The following DPYD variants were observed in gnomAD, a reference collection of about 807,000 sequenced individuals.
DPYD encodes the protein dihydropyrimidine dehydrogenase [NADP(+)].
In DPYD, 109 loss-of-function variants were observed where a neutral mutation model predicts 116.2. The observed-to-expected ratio is 0.94, with a 90% CI of 0.80 to 1.10. DPYD has a LOEUF of 1.10. DPYD is among the 50% of genes least tolerant of loss of function. DPYD has a pLI of 0.00. For missense variants in DPYD, 1,302 were observed against 1,254.5 expected, an observed-to-expected ratio of 1.04 and a Z score of -0.57; for synonymous variants, 440 against 432.0, an observed-to-expected ratio of 1.02 and a Z score of -0.23.
intron 8 of DPYD, among the ~76,000 whole-genome samples, chr1:97,618,090 TC>T (rs1404438130): frequency 6.6e-6 from 1 of 152,136 alleles, no homozygotes; most frequent in Non-Finnish European, 1.5e-5. Context: ...TTAAGTGTTG[TC>T]ACCTGAAAGG....
intron 3 of DPYD, among the ~76,000 whole-genome samples, chr1:97,773,705 G>A (rs1315789190): frequency 6.6e-6 from 1 of 152,200 alleles, no homozygotes; most frequent in Non-Finnish European, 1.5e-5. Flanking sequence ...GGATTACATG[G>A]AATTTGGCTG....
chr1:97,541,137 C>T (rs1650422065), intron 12 of DPYD, among the ~76,000 whole-genome samples: 1 of 152,120 alleles, frequency 6.6e-6, no homozygotes, highest in Admixed American at 6.5e-5. Context: ...TGCTTTATAA[C>T]CAGTGGTACC....
At chr1:97,449,999 T>G (rs1463739131) in intron 14 of DPYD, 60 bp downstream of exon 14, 1 of 1,601,060 alleles carries the variant, frequency 6.2e-7, no homozygotes, top group East Asian at 2.2e-5. Flanking sequence ...ATTGGATGTT[T>G]AAATAAACAT....
At chr1:97,380,909 T>A (rs191586218) in intron 15 of DPYD, among the ~76,000 whole-genome samples, 1 of 152,354 alleles carries the variant, frequency 6.6e-6, no homozygotes, top group Admixed American at 6.5e-5. Flanking sequence ...TGAGCTGTGA[T>A]GAAATCATGC....
At chr1:97,325,826 T>C (rs1668679324) in intron 16 of DPYD, among the ~76,000 whole-genome samples, 1 of 151,778 alleles carries the variant, frequency 6.6e-6, no homozygotes, top group African/African-American at 2.4e-5. Flanking sequence ...TAGGAATGCA[T>C]GGTATCATAT....
chr1:97,830,600 C>T (rs1001011805), intron 2 of DPYD, among the ~76,000 whole-genome samples: 1 of 151,972 alleles, frequency 6.6e-6, no homozygotes, highest in Admixed American at 6.6e-5. Flanking sequence ...GTCCCAGCTA[C>T]TCAGGAGGCT....
At chr1:97,649,487 A>G (rs533429453) in intron 8 of DPYD, among the ~76,000 whole-genome samples, 1 of 152,212 alleles carries the variant, frequency 6.6e-6, no homozygotes, top group African/African-American at 2.4e-5. Flanking sequence ...TACTTAAAAT[A>G]TGTTTCTTTT....
intron 20 of DPYD, among the ~76,000 whole-genome samples, chr1:97,100,463 C>T (rs903115314): frequency 3.9e-5 from 6 of 152,004 alleles, no homozygotes; most frequent in African/African-American, 7.2e-5. Flanking sequence ...CTATCAAGAA[C>T]GGTTAAGTGT....
chr1:97,817,467 T>C (rs575950781), intron 3 of DPYD, among the ~76,000 whole-genome samples: 8 of 152,160 alleles, frequency 5.3e-5, no homozygotes, highest in Admixed American at 5.2e-4. Context: ...AGAAATATTA[T>C]AACTAAATGT....
intron 10 of DPYD, among the ~76,000 whole-genome samples, chr1:97,583,543 A>G (rs1259320769): frequency 6.6e-6 from 1 of 151,690 alleles, no homozygotes; most frequent in Non-Finnish European, 1.5e-5. Context: ...CCATGTACAA[A>G]TTCTTTACAA....
intron 15 of DPYD, among the ~76,000 whole-genome samples, chr1:97,374,841 C>A (rs1671517925): frequency 6.7e-6 from 1 of 149,804 alleles, no homozygotes; most frequent in African/African-American, 2.5e-5. Flanking sequence ...ACCAGCCAGG[C>A]AACACAGTGA....
At chr1:97,767,587 T>C (rs914362676) in intron 3 of DPYD, among the ~76,000 whole-genome samples, 13 of 152,080 alleles carry the variant, frequency 8.5e-5, no homozygotes, top group African/African-American at 1.4e-4. Context: ...GTCCACGTGA[T>C]GGAGCCAAAT....
At chr1:97,160,551 A>C (rs982203629) in intron 20 of DPYD, among the ~76,000 whole-genome samples, 3 of 152,112 alleles carry the variant, frequency 2.0e-5, no homozygotes, top group Admixed American at 6.6e-5. Flanking sequence ...CTTTGAATAG[A>C]AGGATTGTAA....
At chr1:97,811,835 TTTAA>T (rs1161342635) in intron 3 of DPYD, among the ~76,000 whole-genome samples, 1 of 152,062 alleles carries the variant, frequency 6.6e-6, no homozygotes, top group Non-Finnish European at 1.5e-5. Context: ...CCTAATACCC[TTTAA>T]TTATCAATCA....
intron 14 of DPYD, among the ~76,000 whole-genome samples, chr1:97,437,374 T>G (rs1029319145): frequency 6.6e-6 from 1 of 151,828 alleles, no homozygotes; most frequent in Non-Finnish European, 1.5e-5. Context: ...GTGTGTATAA[T>G]AGTTCATTCT....
At chr1:97,848,121 G>A (rs998432686) in intron 2 of DPYD, among the ~76,000 whole-genome samples, 4 of 151,524 alleles carry the variant, frequency 2.6e-5, no homozygotes, top group East Asian at 1.9e-4. Context: ...TTTTTGAGAC[G>A]GAGTCTCGCT....
At chr1:97,151,683 A>G (rs1655034114) in intron 20 of DPYD, among the ~76,000 whole-genome samples, 1 of 152,054 alleles carries the variant, frequency 6.6e-6, no homozygotes, top group African/African-American at 2.4e-5. Context: ...CTCAAAAATA[A>G]AAAAATAAAA....
intron 7 of DPYD, among the ~76,000 whole-genome samples, chr1:97,680,763 G>T (rs939419145): frequency 6.6e-6 from 1 of 152,142 alleles, no homozygotes; most frequent in African/African-American, 2.4e-5. Flanking sequence ...AAACTGTTAA[G>T]ATATCTGCAC....
At chr1:97,815,498 A>C (rs1668557533) in intron 3 of DPYD, among the ~76,000 whole-genome samples, 1 of 152,190 alleles carries the variant, frequency 6.6e-6, no homozygotes, top group Non-Finnish European at 1.5e-5. Flanking sequence ...AGGAGGAAAA[A>C]TGTTTCAAGA....
Sources: allele counts gnomAD v4.1 joint callset (sites outside exome capture counted in the v4.1 genomes callset), GRCh38; gene constraint gnomAD v4.1.1; transcripts MANE v1.5; gene names NCBI Gene and HGNC (gene_info 2026-07-23, HGNC 2026-07-21).